The following ATP6V1H variants were observed in gnomAD, a reference collection of about 807,000 sequenced individuals.
ATP6V1H encodes the protein ATPase H+ transporting V1 subunit H, also known as V-type proton ATPase subunit H.
ATP6V1H carries 39 observed loss-of-function variants against 71.7 expected under a neutral mutation model. That is an observed-to-expected ratio of 0.54 (90% confidence interval 0.42 to 0.71). ATP6V1H has a LOEUF of 0.71. ATP6V1H is among the 30% of genes least tolerant of loss of function. The pLI is 0.00. For synonymous variants in ATP6V1H, 192 were observed against 199.3 expected (o/e 0.96, Z 0.31); for missense variants, 509 against 594.9 (o/e 0.86, Z 1.50).
At chr8:53,736,929 C>T (rs1049212034) in intron 13 of ATP6V1H, among the ~76,000 whole-genome samples, 12 of 152,220 alleles carry the variant, frequency 7.9e-5, no homozygotes, top group Non-Finnish European at 1.3e-4. Flanking sequence ...CTGACGTAAC[C>T]GCTTGTATTA....
chr8:53,834,052 T>C (rs549393354), intron 2 of ATP6V1H, among the ~76,000 whole-genome samples: 1 of 152,258 alleles, frequency 6.6e-6, no homozygotes, highest in Non-Finnish European at 1.5e-5. Context: ...CTTCCTTGTC[T>C]AAAAGATGTG....
chr8:53,751,816 C>G (rs1384950748), intron 12 of ATP6V1H, among the ~76,000 whole-genome samples: 1 of 152,012 alleles, frequency 6.6e-6, no homozygotes, highest in Admixed American at 6.6e-5. Context: ...ACTACAGGCT[C>G]ATGCCACCAT....
chr8:53,739,378 A>G (rs924744960), intron 13 of ATP6V1H, among the ~76,000 whole-genome samples: 19 of 152,212 alleles, frequency 1.2e-4, no homozygotes. Context: ...GAAACACCAG[A>G]GAACAAAGTA....
intron 9 of ATP6V1H, among the ~76,000 whole-genome samples, chr8:53,781,285 T>A (rs1476594630): frequency 6.6e-6 from 1 of 152,270 alleles, no homozygotes; most frequent in African/African-American, 2.4e-5. Flanking sequence ...ATTTCTCTGA[T>A]GGCCAGTGAT....
rs148557503 is a variant in ATP6V1H at position 53,804,823 on chromosome 8, G to A, written c.580-2927C>T. ...TTCTATACAGCAAACCTCAATGGCA[G>A]AGAAAAACACTATTTTCACTTCTCA... is the stretch of plus-strand genomic sequence containing the variant. On this transcript the variant is annotated intron_variant, in intron 7 of 13. Coordinates refer to ENST00000359530, the MANE Select transcript of ATP6V1H (RefSeq NM_015941.4). Among the ~76,000 whole-genome samples, 3 of 152,342 alleles carry A rather than the reference G, an allele frequency of 2.0e-5. No individual in the cohort carries two copies. The East Asian group carries it at 5.8e-4, about 29-fold the overall frequency.
intron 6 of ATP6V1H, among the ~76,000 whole-genome samples, chr8:53,813,933 G>T: frequency 6.6e-6 from 1 of 152,076 alleles, no homozygotes; most frequent in East Asian, 1.9e-4. Flanking sequence ...GGTAGCTCCA[G>T]GCTCACCCCT....
chr8:53,828,505 A>C (rs1370752086), intron 4 of ATP6V1H, among the ~76,000 whole-genome samples: 1 of 152,236 alleles, frequency 6.6e-6, no homozygotes, highest in African/African-American at 2.4e-5. Flanking sequence ...TACAGTAACA[A>C]GATAACCATG....
At chr8:53,799,483 A>C (rs1193629708) in intron 8 of ATP6V1H, among the ~76,000 whole-genome samples, 1 of 152,190 alleles carries the variant, frequency 6.6e-6, no homozygotes, top group African/African-American at 2.4e-5. Flanking sequence ...TGCAGAAAAG[A>C]GTTAACAGCA....
intron 13 of ATP6V1H, among the ~76,000 whole-genome samples, chr8:53,725,475 C>T (rs932102228): frequency 1.3e-5 from 2 of 150,838 alleles, no homozygotes; most frequent in African/African-American, 4.9e-5. Flanking sequence ...ACACTTTGCT[C>T]AGTGGTTTGT....
chr8:53,793,578 G>A (rs1220287874), intron 9 of ATP6V1H, among the ~76,000 whole-genome samples: 4 of 151,998 alleles, frequency 2.6e-5, no homozygotes, highest in South Asian at 2.1e-4. Flanking sequence ...TGAGGAGTCC[G>A]AGGTTGCAGT....
At chr8:53,814,155 A>G (rs1810371064) in intron 6 of ATP6V1H, among the ~76,000 whole-genome samples, 1 of 152,160 alleles carries the variant, frequency 6.6e-6, no homozygotes, top group African/African-American at 2.4e-5. Context: ...AAAGGGCATA[A>G]AAGATCTCAC....
chr8:53,772,015 T>C lies in ATP6V1H; in HGVS notation c.1023A>G (p.Lys341=). The C allele has an allele frequency of 6.2e-7, 1 of 1,614,006 alleles. No homozygotes were observed. Among genetic ancestry groups the C allele is most frequent in the Non-Finnish European group, 8.5e-7 (1 of 1,179,936 alleles). ...ISEDIKFLLE[K]LGESVQDLSS... ...TAAGGTCCTGGACACTCTCTCCAAG[T>C]TTTTCCAAAAGAAATTTGATATCTT... Residue 341 remains lysine (K), a synonymous_variant, in exon 10 of 14, where the codon AAA becomes AAG. Coordinates refer to ENST00000359530, the MANE Select transcript of ATP6V1H (RefSeq NM_015941.4).
At chr8:53,716,901 A>C (rs924463020) in intron 13 of ATP6V1H, among the ~76,000 whole-genome samples, 1 of 152,212 alleles carries the variant, frequency 6.6e-6, no homozygotes, top group Non-Finnish European at 1.5e-5. Flanking sequence ...TTTAAGAAAA[A>C]ACTATTTAAA....
intron 13 of ATP6V1H, among the ~76,000 whole-genome samples, chr8:53,736,169 G>A (rs1426570731): frequency 6.6e-6 from 1 of 152,128 alleles, no homozygotes; most frequent in Non-Finnish European, 1.5e-5. Flanking sequence ...TTTTGTCCTT[G>A]CTAGCACTTA....
chr8:53,839,089 T>C (rs972161608), intron 2 of ATP6V1H, among the ~76,000 whole-genome samples: 18 of 152,268 alleles, frequency 1.2e-4, no homozygotes, highest in South Asian at 4.1e-4. Context: ...GACAGATATA[T>C]AGGAAAACGG....
intron 10 of ATP6V1H, 69 bp from the exon 11 acceptor site, chr8:53,769,812 A>C: frequency 7.4e-7 from 1 of 1,342,434 alleles, no homozygotes; most frequent in Non-Finnish European, 1.0e-6. Context: ...AAGCAAAATA[A>C]AATGTCTTCA....
chr8:53,757,299 C>T (rs550665510), intron 11 of ATP6V1H, among the ~76,000 whole-genome samples: 1 of 152,308 alleles, frequency 6.6e-6, no homozygotes, highest in East Asian at 1.9e-4. Context: ...AAGGCTCCCC[C>T]TGCCCCGGCT....
intron 4 of ATP6V1H, among the ~76,000 whole-genome samples, chr8:53,824,229 T>C (rs1810755372): frequency 6.6e-6 from 1 of 152,116 alleles, no homozygotes; most frequent in East Asian, 1.9e-4. Flanking sequence ...TAGAGAAAGC[T>C]ATCAAATAAT....
At chr8:53,831,404 T>C (rs924312060) in intron 3 of ATP6V1H, among the ~76,000 whole-genome samples, 4 of 152,210 alleles carry the variant, frequency 2.6e-5, no homozygotes, top group African/African-American at 9.6e-5. Context: ...AGTAAAAACA[T>C]GGTAGTATAA....
Sources: gnomAD v4.1 joint callset for allele counts (sites outside exome capture counted in the v4.1 genomes callset) on GRCh38, gnomAD v4.1.1 for gene constraint, MANE v1.5 for transcripts, NCBI Gene and HGNC (gene_info 2026-07-23, HGNC 2026-07-21) for gene names.